Variants in PKHD1 observed in about 807,000 individuals in gnomAD.
The protein encoded by PKHD1 is fibrocystin.
A neutral mutation model predicts 412.0 loss-of-function variants in PKHD1; 291 were observed. The observed-to-expected ratio is 0.71, with a 90% CI of 0.64 to 0.78. PKHD1 has a LOEUF of 0.78. Among genes scored for constraint, PKHD1 ranks in the 30% least tolerant of loss-of-function variants. The pLI is 0.00. For synonymous variants in PKHD1, 1,777 were observed against 1,821.5 expected (o/e 0.98, Z 0.62); for missense variants, 4,825 against 4,950.7 (o/e 0.97, Z 0.76).
At chr6:51,942,466 C>A (rs919688829) in intron 36 of PKHD1, among the ~76,000 whole-genome samples, 5 of 151,640 alleles carry the variant, frequency 3.3e-5, no homozygotes, top group African/African-American at 1.2e-4. Context: ...TTCTTCCTCA[C>A]ACCTGACACA....
intron 66 of PKHD1, chr6:51,623,030 T>G (rs1766820397): frequency 6.6e-6 from 1 of 152,128 alleles, no homozygotes; most frequent in Non-Finnish European, 1.5e-5. Context: ...TTAAGAATAG[T>G]GACATAAATA....
At chr6:51,816,153 A>C (rs1765427490) in intron 52 of PKHD1, among the ~76,000 whole-genome samples, 2 of 152,216 alleles carry the variant, frequency 1.3e-5, no homozygotes, top group African/African-American at 4.8e-5. Context: ...ATGTAGTGCA[A>C]TACTAATGTA....
intron 40 of PKHD1, among the ~76,000 whole-genome samples, chr6:51,908,704 C>A (rs934631508): frequency 1.3e-5 from 2 of 152,012 alleles, no homozygotes; most frequent in Admixed American, 6.6e-5. Context: ...TTTCCTGCTC[C>A]CTTCTTATAT....
intron 60 of PKHD1, among the ~76,000 whole-genome samples, chr6:51,661,078 G>C (rs186516198): frequency 6.7e-4 from 102 of 152,190 alleles, no homozygotes; most frequent in Non-Finnish European, 1.2e-3. Flanking sequence ...AATTCCAAGG[G>C]ATTTAGGAAC....
chr6:51,683,504 A>C (rs369115579), intron 60 of PKHD1, among the ~76,000 whole-genome samples: 3 of 152,210 alleles, frequency 2.0e-5, no homozygotes, highest in African/African-American at 7.2e-5. Context: ...GATTAAGCAA[A>C]ATTGTACCTT....
At chr6:51,756,756 AG>A (rs1455779975) in intron 55 of PKHD1, among the ~76,000 whole-genome samples, 8 of 152,276 alleles carry the variant, frequency 5.3e-5, no homozygotes, top group African/African-American at 1.9e-4. Context: ...CTAACTTATC[AG>A]GTAGTATATT....
intron 60 of PKHD1, among the ~76,000 whole-genome samples, chr6:51,741,381 A>T (rs1314033201): frequency 6.6e-6 from 1 of 152,010 alleles, no homozygotes; most frequent in African/African-American, 2.4e-5. Context: ...TAATTTTGGT[A>T]TCAATGTTTT....
At chr6:51,897,561 GC>G (rs1257361866) in intron 43 of PKHD1, among the ~76,000 whole-genome samples, 1 of 143,756 alleles carries the variant, frequency 7.0e-6, no homozygotes, top group Non-Finnish European at 1.5e-5. Flanking sequence ...GCAAAATCAT[GC>G]CAAAATGTAA....
Position 51,864,991 on chromosome 6 carries a change from A to G in PKHD1, c.7733+2872T>C, listed in dbSNP as rs529575047. Among the ~76,000 whole-genome samples, 8 of 152,264 alleles carry G rather than the reference A, an allele frequency of 5.3e-5. 1 individual carries two copies. Among genetic ancestry groups the G allele is most frequent in the African/African-American group, 1.9e-4 (8 of 41,550 alleles). ...GATAAATCCAAGAACTATGTGGGACATTTTATAATTATGGGACCCTGGAGA... is the reference window on the plus strand; with the variant it reads ...GATAAATCCAAGAACTATGTGGGACGTTTTATAATTATGGGACCCTGGAGA... On this transcript the variant is annotated intron_variant, in intron 48 of 66. Transcript: ENST00000371117.
intron 60 of PKHD1, among the ~76,000 whole-genome samples, chr6:51,681,595 G>A (rs1776669601): frequency 6.6e-6 from 1 of 151,884 alleles, no homozygotes; most frequent in Non-Finnish European, 1.5e-5. Flanking sequence ...GCCTAGCCTT[G>A]CACTTCCCCA....
At chr6:52,002,154 A>G (rs1159609987) in intron 35 of PKHD1, among the ~76,000 whole-genome samples, 1 of 152,136 alleles carries the variant, frequency 6.6e-6, no homozygotes, top group Non-Finnish European at 1.5e-5. Flanking sequence ...TTTAGAGTCC[A>G]AGCTCACAAC....
At position 51,619,394 on chromosome 6, in the gene PKHD1, C is replaced by T. The variant is rs762659698; in HGVS notation, c.11912G>A (p.Gly3971Asp). ...REEEAAVPAPGTTGITSHGHI... is the reference protein window; with the variant it reads ...REEEAAVPAPDTTGITSHGHI... ...CCCATGGGATGTGATGCCAGTAGTA[C>T]CAGGAGCAGGCACAGCAGCCTCTTC... The change falls in exon 67 of 67, where the codon GGT becomes GAT. Residue 3971 changes from glycine to aspartate, a missense_variant. Gly to Asp is a moderately conservative substitution (Grantham distance 94). Coordinates refer to ENST00000371117, the MANE Select transcript of PKHD1 (RefSeq NM_138694.4). The T allele has an allele frequency of 1.9e-6, 3 of 1,613,582 alleles. No homozygotes were observed. Among genetic ancestry groups the T allele is most frequent in the South Asian group, 2.2e-5 (2 of 91,084 alleles).
intron 36 of PKHD1, among the ~76,000 whole-genome samples, chr6:51,957,100 G>A (rs925086728): frequency 2.0e-5 from 3 of 152,062 alleles, no homozygotes; most frequent in Non-Finnish European, 2.9e-5. Flanking sequence ...TTATTTCAGA[G>A]GTGGGTGGTT....
intron 60 of PKHD1, among the ~76,000 whole-genome samples, chr6:51,719,772 T>C (rs1399147828): frequency 6.6e-6 from 1 of 152,214 alleles, no homozygotes; most frequent in East Asian, 1.9e-4. Flanking sequence ...AACTTTATTA[T>C]GCTGTTGGCA....
intron 27 of PKHD1, among the ~76,000 whole-genome samples, chr6:52,042,549 C>A (rs1805075651): frequency 6.6e-6 from 1 of 152,134 alleles, no homozygotes; most frequent in African/African-American, 2.4e-5. Context: ...AAATGGCAAT[C>A]AGTTTTCCAT....
At chr6:51,718,686 A>G (rs1781553241) in intron 60 of PKHD1, among the ~76,000 whole-genome samples, 1 of 152,210 alleles carries the variant, frequency 6.6e-6, no homozygotes. Flanking sequence ...GATGGTCTCA[A>G]TGAAAGTGAT....
intron 23 of PKHD1, among the ~76,000 whole-genome samples, chr6:52,047,884 G>T (rs1245839751): frequency 1.3e-5 from 2 of 152,218 alleles, no homozygotes; most frequent in African/African-American, 4.8e-5. Flanking sequence ...ATAATAAACT[G>T]CATATGGCAA....
At chr6:51,861,784 G>A (rs1247770129) in intron 48 of PKHD1, among the ~76,000 whole-genome samples, 3 of 152,142 alleles carry the variant, frequency 2.0e-5, no homozygotes, top group African/African-American at 7.2e-5. Context: ...CTCTAAGGAA[G>A]TATCTACAGT....
intron 60 of PKHD1, among the ~76,000 whole-genome samples, chr6:51,686,481 C>T (rs527743540): frequency 6.6e-6 from 1 of 152,320 alleles, no homozygotes. Flanking sequence ...ATCCCACACC[C>T]TCTTCTCTGT....
Sources: allele counts gnomAD v4.1 joint callset (sites outside exome capture counted in the v4.1 genomes callset), GRCh38; gene constraint gnomAD v4.1.1; transcripts MANE v1.5; gene names NCBI Gene and HGNC (gene_info 2026-07-23, HGNC 2026-07-21).